CDKL4: variants seen among roughly 807,000 people sequenced by gnomAD.
CDKL4 encodes the protein cyclin-dependent kinase-like 4.
Under a neutral mutation model 42.0 loss-of-function variants are expected in CDKL4, and 44 were observed. The observed-to-expected ratio is 1.05, with a 90% CI of 0.82 to 1.35. The LOEUF is 1.35. Ranked by LOEUF, CDKL4 falls within the 40% of genes most tolerant of loss-of-function variation. CDKL4 has a pLI of 0.00. For synonymous variants in CDKL4, 120 were observed against 121.6 expected (o/e 0.99, Z 0.09); for missense variants, 393 against 369.9 (o/e 1.06, Z -0.51).
intron 6 of CDKL4, among the ~76,000 whole-genome samples, chr2:39,189,338 T>C (rs1468684660): frequency 6.6e-6 from 1 of 152,232 alleles, no homozygotes; most frequent in African/African-American, 2.4e-5. Context: ...ATTCCTATTC[T>C]GCACTTACCT....
chr2:39,218,914 C>G (rs1281999427), intron 3 of CDKL4, among the ~76,000 whole-genome samples: 1 of 152,206 alleles, frequency 6.6e-6, no homozygotes, highest in Non-Finnish European at 1.5e-5. Context: ...TTATCAGTAC[C>G]TCTATGTATC....
At chr2:39,190,097 G>A (rs1676084295) in intron 6 of CDKL4, among the ~76,000 whole-genome samples, 1 of 152,210 alleles carries the variant, frequency 6.6e-6, no homozygotes, top group Non-Finnish European at 1.5e-5. Flanking sequence ...GGATCTGAGA[G>A]CTCCCTGAGA....
intron 9 of CDKL4, chr2:39,178,404 C>A: frequency 1.5e-6 from 1 of 652,148 alleles, no homozygotes; most frequent in Non-Finnish European, 2.5e-6. Context: ...AAATTACCAA[C>A]TCAGTTTATT....
intron 3 of CDKL4, among the ~76,000 whole-genome samples, chr2:39,223,491 G>A (rs1678498750): frequency 6.6e-6 from 1 of 150,920 alleles, no homozygotes; most frequent in South Asian, 2.1e-4. Flanking sequence ...TAACAGATGA[G>A]AAATGGTACC....
intron 6 of CDKL4, among the ~76,000 whole-genome samples, chr2:39,189,391 C>G (rs1676038961): frequency 6.6e-6 from 1 of 152,222 alleles, no homozygotes; most frequent in African/African-American, 2.4e-5. Context: ...CCCTAAGCCT[C>G]TGTTTCCTCG....
intron 6 of CDKL4, 58 bp from the exon 7 acceptor site, chr2:39,187,767 T>G: frequency 8.3e-7 from 1 of 1,204,352 alleles, no homozygotes; most frequent in Non-Finnish European, 1.2e-6. Flanking sequence ...ATCAAGTGTT[T>G]AAATGGTTAA....
At chr2:39,179,442 T>A (rs1675313342) in intron 8 of CDKL4, 121 bp from the exon 9 acceptor site, 2 of 773,570 alleles carry the variant, frequency 2.6e-6, no homozygotes, top group South Asian at 5.1e-5. Flanking sequence ...AGTTTGTGTA[T>A]TATCAAGTAG....
At chr2:39,229,429 A>G in exon 2 of CDKL4, 1 of 1,613,200 alleles carries the variant, frequency 6.2e-7, no homozygotes, top group Non-Finnish European at 8.5e-7. Context: ...AGATTCCACA[A>G]ATTTTTTAAC....
At chr2:39,184,641 G>T in exon 8 of CDKL4, 2 of 1,610,030 alleles carry the variant, frequency 1.2e-6, no homozygotes, top group South Asian at 1.1e-5. Context: ...TTTTCCTCAA[G>T]AGTTTCCTGA....
intron 1 of CDKL4, among the ~76,000 whole-genome samples, 174 bp from the exon 2 acceptor site, chr2:39,229,762 T>A (rs539915293): frequency 6.6e-6 from 1 of 152,368 alleles, no homozygotes; most frequent in African/African-American, 2.4e-5. Flanking sequence ...CTGCAGCTCT[T>A]CCAGCTATCA....
At chr2:39,192,187 T>C (rs180806416) in intron 5 of CDKL4, among the ~76,000 whole-genome samples, 2 of 152,344 alleles carry the variant, frequency 1.3e-5, no homozygotes, top group East Asian at 3.9e-4. Context: ...AGCTGTTTTA[T>C]TTGTTTGGAA....
chr2:39,170,490 C>G, the CDKL4 span, among the ~76,000 whole-genome samples: 1 of 151,738 alleles, frequency 6.6e-6, no homozygotes, highest in South Asian at 2.1e-4. Flanking sequence ...GAGTCTTGCT[C>G]TTGTCACCCA....
chr2:39,184,169 C>T (rs977135966), intron 8 of CDKL4, among the ~76,000 whole-genome samples: 1 of 152,122 alleles, frequency 6.6e-6, no homozygotes, highest in Non-Finnish European at 1.5e-5. Context: ...AGGTAGATAC[C>T]CTCTCTGGTA....
At chr2:39,208,535 G>A (rs1215381945) in intron 4 of CDKL4, among the ~76,000 whole-genome samples, 1 of 151,944 alleles carries the variant, frequency 6.6e-6, no homozygotes, top group Non-Finnish European at 1.5e-5. Flanking sequence ...TAGACATGGG[G>A]TTTCGCCATG....
intron 5 of CDKL4, among the ~76,000 whole-genome samples, chr2:39,194,975 C>T (rs1676424166): frequency 6.6e-6 from 1 of 152,188 alleles, no homozygotes; most frequent in Non-Finnish European, 1.5e-5. Flanking sequence ...TCCCCATTCT[C>T]CCTTCCCCCA....
At chr2:39,193,335 A>C (rs1009164980) in intron 5 of CDKL4, among the ~76,000 whole-genome samples, 2 of 149,928 alleles carry the variant, frequency 1.3e-5, no homozygotes, top group African/African-American at 2.4e-5. Context: ...TTAGACTGAG[A>C]GGTGTAAACA....
In CDKL4 at chr2:39,187,162, C is replaced by G. The variant is rs1339136982; in HGVS notation, c.735+465G>C. ...AAGTAGCAGTTTTCCCTTGTGCCCT[C>G]ACCCCTCTCTCCTGCCGCCTTGTGA... is the stretch of plus-strand genomic sequence containing the variant. On this transcript the variant is annotated intron_variant, in intron 7 of 9. Transcript: ENST00000451199. Among the ~76,000 whole-genome samples, 3 of 152,216 alleles carry G rather than the reference C, an allele frequency of 2.0e-5. No homozygotes were observed. The South Asian group carries it at 6.2e-4, about 32-fold the overall frequency.
In CDKL4 at chr2:39,204,519, CTACT is replaced by C; in HGVS notation, c.454+4_454+7del. On this transcript the variant is annotated splice_donor_5th_base_variant and intron_variant, in intron 5 of 9. Transcript: ENST00000451199. ...AACTGGGTATTAGTAAAAAAAATTG[CTACT>C]TACTCAGAATTTGTGCAAACCCGAA... 1 of 1,558,170 alleles carries C rather than the reference CTACT, an allele frequency of 6.4e-7. No homozygotes were observed. Among genetic ancestry groups the C allele is most frequent in the Non-Finnish European group, 8.8e-7 (1 of 1,131,682 alleles).
chr2:39,199,981 T>C (rs1558558975), intron 5 of CDKL4, among the ~76,000 whole-genome samples: 2 of 152,068 alleles, frequency 1.3e-5, no homozygotes, highest in Non-Finnish European at 2.9e-5. Flanking sequence ...CTGGAAGTCC[T>C]AGCTAGAGCA....
Sources: allele counts gnomAD v4.1 joint callset (sites outside exome capture counted in the v4.1 genomes callset), GRCh38; gene constraint gnomAD v4.1.1; transcripts MANE v1.5; gene names NCBI Gene and HGNC (gene_info 2026-07-23, HGNC 2026-07-21).